LTBP1: variants seen among roughly 807,000 people sequenced by gnomAD.
LTBP1 encodes latent transforming growth factor beta binding protein 1, also known as latent-transforming growth factor beta-binding protein 1.
Under a neutral mutation model 207.6 loss-of-function variants are expected in LTBP1, and 129 were observed. The ratio of observed to expected loss-of-function variants is 0.62; its 90% CI spans 0.54 to 0.72. LTBP1 has a LOEUF of 0.72. LTBP1 is among the 30% of genes least tolerant of loss of function. The pLI, the probability that LTBP1 is intolerant of heterozygous loss-of-function variation, is 0.00. For missense variants in LTBP1, 2,281 were observed against 2,217.2 expected (o/e 1.03, Z -0.58); for synonymous variants, 963 against 833.7 (o/e 1.16, Z -2.67).
intron 18 of LTBP1, among the ~76,000 whole-genome samples, chr2:33,279,163 A>T (rs1320708761): frequency 6.6e-6 from 1 of 152,206 alleles, no homozygotes; most frequent in Non-Finnish European, 1.5e-5. Context: ...CACTCATATA[A>T]ATTCAAGATC....
chr2:33,353,981 T>G (rs560953691), intron 26 of LTBP1, among the ~76,000 whole-genome samples: 2 of 151,766 alleles, frequency 1.3e-5, no homozygotes, highest in African/African-American at 4.8e-5. Context: ...TGCCTCAGCC[T>G]CCCGAGTAGC....
intron 5 of LTBP1, among the ~76,000 whole-genome samples, chr2:33,135,416 G>A (rs1040601855): frequency 2.6e-5 from 4 of 152,148 alleles, no homozygotes; most frequent in Non-Finnish European, 4.4e-5. Flanking sequence ...ACAAAACTCC[G>A]AGGATTGTCA....
chr2:33,215,723 G>GTTT (rs11381516), intron 7 of LTBP1, among the ~76,000 whole-genome samples: 1 of 138,630 alleles, frequency 7.2e-6, no homozygotes, highest in African/African-American at 2.7e-5. Flanking sequence ...TTTGTTTTTT[G>GTTT]TTTTTTTTTT....
chr2:32,995,375 C>T (rs186978919), intron 2 of LTBP1, among the ~76,000 whole-genome samples: 134 of 152,260 alleles, frequency 8.8e-4, no homozygotes, highest in African/African-American at 2.0e-3. Context: ...ATTTCTCACA[C>T]GTGTCCAGGT....
chr2:33,274,420 C>T (rs1235646338), intron 16 of LTBP1, among the ~76,000 whole-genome samples: 1 of 151,500 alleles, frequency 6.6e-6, no homozygotes, highest in African/African-American at 2.4e-5. Flanking sequence ...CTAATTAATA[C>T]TTCTTTAGTA....
Position 33,188,936 on chromosome 2 carries a change from CT to C in LTBP1, c.1701+91del, listed in dbSNP as rs1000276370. The C allele has an allele frequency of 3.6e-4, 483 of 1,349,478 alleles. 1 individual carries two copies. The highest frequency in any genetic ancestry group is 5.0e-4 in the Admixed American group (21 of 41,862). The allele number at this position is 1,349,478 out of a possible 1,614,324, so 83.6% of individuals were successfully genotyped here. ...AAGAAAGCCAGACTTGATAAAAATG[CT>C]TTTTTAAAAAAAAGGCTTTGACAAA... On this transcript the variant is annotated intron_variant, in intron 7 of 33. Coordinates refer to ENST00000404816, the MANE Select transcript of LTBP1 (RefSeq NM_206943.4).
At chr2:32,995,530 C>T (rs1685126408) in intron 2 of LTBP1, among the ~76,000 whole-genome samples, 2 of 152,116 alleles carry the variant, frequency 1.3e-5, no homozygotes, top group Admixed American at 6.5e-5. Context: ...GCCTGTAATC[C>T]CAAGACTTTG....
At chr2:33,143,787 G>GTTTTTTTTTT (rs78245020) in intron 5 of LTBP1, among the ~76,000 whole-genome samples, 1 of 141,788 alleles carries the variant, frequency 7.1e-6, no homozygotes, top group Non-Finnish European at 1.5e-5. Flanking sequence ...GTTTTTTGTT[G>GTTTTTTTTTT]TTTTTTTTTT....
intron 4 of LTBP1, among the ~76,000 whole-genome samples, chr2:33,124,987 T>C (rs2081347991): frequency 6.6e-6 from 1 of 152,244 alleles, no homozygotes; most frequent in Non-Finnish European, 1.5e-5. Flanking sequence ...TTAAGACTTG[T>C]TCTGTAGGAG....
intron 5 of LTBP1, among the ~76,000 whole-genome samples, chr2:33,179,114 A>G (rs568092274): frequency 3.3e-5 from 5 of 152,296 alleles, no homozygotes; most frequent in African/African-American, 1.2e-4. Flanking sequence ...ACCCCAGCCC[A>G]TGGGGTGCAT....
intron 3 of LTBP1, among the ~76,000 whole-genome samples, chr2:33,098,920 A>G (rs1488842501): frequency 6.6e-6 from 1 of 152,190 alleles, no homozygotes; most frequent in East Asian, 1.9e-4. Context: ...TACCAAGTTG[A>G]GGCTTAAATT....
At chr2:33,248,909 A>G (rs564637224) in intron 10 of LTBP1, among the ~76,000 whole-genome samples, 1 of 152,130 alleles carries the variant, frequency 6.6e-6, no homozygotes, top group African/African-American at 2.4e-5. Flanking sequence ...TTAATGACAC[A>G]TTTCCCAGAG....
chr2:32,990,739 G>A (rs751432454), intron 2 of LTBP1, among the ~76,000 whole-genome samples: 2 of 152,124 alleles, frequency 1.3e-5, no homozygotes, highest in Non-Finnish European at 2.9e-5. Context: ...AGTTATATGT[G>A]TCATTAGTAA....
chr2:32,959,168 C>T (rs1031028263), intron 2 of LTBP1, among the ~76,000 whole-genome samples: 2 of 152,046 alleles, frequency 1.3e-5, no homozygotes, highest in African/African-American at 4.8e-5. Context: ...GCTCTTGGTT[C>T]TGCTGGGCCA....
chr2:33,171,767 G>C (rs1055006833), intron 5 of LTBP1, among the ~76,000 whole-genome samples: 21 of 152,222 alleles, frequency 1.4e-4, no homozygotes, highest in East Asian at 9.6e-4. Flanking sequence ...GAAAGGTCGG[G>C]TTACCCACAA....
chr2:33,333,550 G>A (rs923602412), intron 24 of LTBP1, among the ~76,000 whole-genome samples: 5 of 152,214 alleles, frequency 3.3e-5, no homozygotes, highest in African/African-American at 1.2e-4. Flanking sequence ...TGAACCCGAT[G>A]TAGGACATGG....
At position 33,346,265 on chromosome 2, in the gene LTBP1, A is replaced by C. The variant is rs368321466; in HGVS notation, c.3857-1102A>C. Among the ~76,000 whole-genome samples, 246 of 152,304 alleles carry C rather than the reference A, an allele frequency of 1.6e-3. 1 individual carries two copies. Among genetic ancestry groups the C allele is most frequent in the African/African-American group, 5.8e-3 (239 of 41,558 alleles). On this transcript the variant is annotated intron_variant, in intron 25 of 33. Transcript: ENST00000404816. ...ATATGTAATCTGAATTCTATTGATA[A>C]TTATGGATGCTTTGGCTACCAGAGA...
chr2:33,135,548 A>G (rs2082079019), intron 5 of LTBP1, among the ~76,000 whole-genome samples: 1 of 149,146 alleles, frequency 6.7e-6, no homozygotes, highest in African/African-American at 2.4e-5. Flanking sequence ...ACAGACTGGT[A>G]GATTACTCTC....
At chr2:33,023,300 T>C (rs1237831474) in intron 3 of LTBP1, among the ~76,000 whole-genome samples, 1 of 152,224 alleles carries the variant, frequency 6.6e-6, no homozygotes, top group African/African-American at 2.4e-5. Context: ...ACTGTTAGAA[T>C]TTGACCCTCT....
Sources: gnomAD v4.1 joint callset for allele counts (sites outside exome capture counted in the v4.1 genomes callset) on GRCh38, gnomAD v4.1.1 for gene constraint, MANE v1.5 for transcripts, NCBI Gene and HGNC (gene_info 2026-07-23, HGNC 2026-07-21) for gene names.